Variants in KATNAL2 observed in about 807,000 individuals in gnomAD.
The protein encoded by KATNAL2 is katanin p60 ATPase-containing subunit A-like 2.
KATNAL2 carries 52 observed loss-of-function variants against 76.3 expected under a neutral mutation model. The ratio of observed to expected loss-of-function variants is 0.68; its 90% confidence interval spans 0.55 to 0.86. The LOEUF is 0.86. Among genes scored for constraint, KATNAL2 ranks in the 40% least tolerant of loss-of-function variants. The pLI, the probability that KATNAL2 is intolerant of heterozygous loss-of-function variation, is 0.00. For synonymous variants in KATNAL2, 243 were observed against 244.2 expected, an observed-to-expected ratio of 1.00 and a Z score of 0.05; for missense variants, 660 against 668.9, an observed-to-expected ratio of 0.99 and a Z score of 0.15.
chr18:47,084,513 G>A (rs1872910949), intron 15 of KATNAL2: 1 of 639,150 alleles, frequency 1.6e-6, no homozygotes, highest in African/African-American at 1.8e-5. Flanking sequence ...GTTAAAGACA[G>A]TTCAACTGGT....
At chr18:47,034,847 G>A (rs2060687226) in intron 3 of KATNAL2, 2 of 1,612,034 alleles carry the variant, frequency 1.2e-6, no homozygotes, top group African/African-American at 2.7e-5. Flanking sequence ...TGAGGTCTCT[G>A]TTGCCCCGGA....
intron 8 of KATNAL2, 89 bp downstream of exon 8, chr18:47,059,743 AGGAAAGTTAAGATGTGATTTTTGAAG>A (rs2061576869): frequency 2.1e-6 from 2 of 954,866 alleles, no homozygotes; most frequent in Non-Finnish European, 3.3e-6. Context: ...TTTGTCAAAC[AGGAAAGTTAAGATGTGATTTTTGAAG>A]GTTGGCTGTG....
intron 1 of KATNAL2, among the ~76,000 whole-genome samples, chr18:46,933,236 T>C (rs140092480): frequency 7.4e-4 from 113 of 152,304 alleles, no homozygotes; most frequent in African/African-American, 2.6e-3. Context: ...TATAAGGAAT[T>C]ATCTGGCCAA....
At chr18:47,069,336 G>A in intron 12 of KATNAL2, 53 bp downstream of exon 12, 1 of 1,487,740 alleles carries the variant, frequency 6.7e-7, no homozygotes, top group Non-Finnish European at 9.3e-7. Flanking sequence ...TGCAGAGGAT[G>A]AGTTGCCCCT....
intron 13 of KATNAL2, among the ~76,000 whole-genome samples, chr18:47,072,959 G>C (rs2062058275): frequency 6.6e-6 from 1 of 152,010 alleles, no homozygotes; most frequent in Admixed American, 6.6e-5. Context: ...CTAGTCTCTT[G>C]CTATTATGAA....
At chr18:46,937,810 G>T (rs1189323353) in intron 1 of KATNAL2, among the ~76,000 whole-genome samples, 4 of 152,146 alleles carry the variant, frequency 2.6e-5, no homozygotes, top group Non-Finnish European at 5.9e-5. Context: ...TCCTGCAAAA[G>T]AATACTATGT....
At chr18:47,079,158 A>T (rs2062388828) in intron 15 of KATNAL2, among the ~76,000 whole-genome samples, 1 of 152,214 alleles carries the variant, frequency 6.6e-6, no homozygotes, top group Admixed American at 6.5e-5. Flanking sequence ...ATCATATTCA[A>T]CTATTATGTT....
At chr18:47,035,542 G>T in intron 3 of KATNAL2, 3 of 657,268 alleles carry the variant, frequency 4.6e-6, no homozygotes, top group Non-Finnish European at 7.8e-6. Flanking sequence ...GTGCAACAAA[G>T]AATGAAGCTC....
intron 3 of KATNAL2, chr18:47,033,601 A>G (rs923006254): frequency 6.2e-7 from 1 of 1,614,234 alleles, no homozygotes; most frequent in Non-Finnish European, 8.5e-7. Flanking sequence ...AACAGGTTCA[A>G]GAACCCAGTA....
At chr18:46,928,069 C>G (rs1004667952) in intron 1 of KATNAL2, among the ~76,000 whole-genome samples, 1 of 152,156 alleles carries the variant, frequency 6.6e-6, no homozygotes, top group Non-Finnish European at 1.5e-5. Context: ...TCGTCTGAAG[C>G]CTTCTTCTCT....
intron 1 of KATNAL2, among the ~76,000 whole-genome samples, chr18:46,927,976 ATCCATTCG>A (rs2058780990): frequency 6.6e-6 from 1 of 151,850 alleles, no homozygotes; most frequent in Non-Finnish European, 1.5e-5. Flanking sequence ...TATTCTAGTT[ATCCATTCG>A]TCTAATTTTT....
At chr18:46,945,310 C>G (rs1377082960) in intron 1 of KATNAL2, among the ~76,000 whole-genome samples, 1 of 152,212 alleles carries the variant, frequency 6.6e-6, no homozygotes, top group Non-Finnish European at 1.5e-5. Flanking sequence ...TGTTCTCTGC[C>G]TAAGCTTCGC....
At chr18:47,033,076 T>G in intron 3 of KATNAL2, 2 of 1,614,118 alleles carry the variant, frequency 1.2e-6, no homozygotes, top group Middle Eastern at 1.7e-4. Context: ...CTTGGCAGCC[T>G]GTTTCCGGGT....
chr18:47,044,133 T>C (rs1412127713), intron 3 of KATNAL2, among the ~76,000 whole-genome samples: 1 of 152,118 alleles, frequency 6.6e-6, no homozygotes, highest in Non-Finnish European at 1.5e-5. Flanking sequence ...TTGTGTTCCC[T>C]GGGCCACAGT....
At chr18:46,919,725 C>T (rs1204052542) in intron 1 of KATNAL2, among the ~76,000 whole-genome samples, 1 of 152,082 alleles carries the variant, frequency 6.6e-6, no homozygotes, top group Non-Finnish European at 1.5e-5. Context: ...CTGATAAATG[C>T]CTAACAAATA....
rs763998711 is a variant in KATNAL2, at chr18:47,077,455, T to C, written c.1205T>C (p.Leu402Pro). 1.2e-6 allele frequency: 2 copies of C among 1,610,748 alleles called. No homozygotes were observed. The highest frequency in any genetic ancestry group is 1.7e-6 in the Non-Finnish European group (2 of 1,176,860). ...DLVFVLAASN[L>P]PWELDCAMLR... ...GTATTTGTCTTAGCAGCTTCTAACC[T>C]GCCGTGGTAAGAGACCAAGAGAGTA... The change falls in exon 15 of 18, where the codon CTG becomes CCG. Residue 402 changes from leucine to proline, a missense_variant. Physicochemically the swap from Leu to Pro is moderately conservative, Grantham distance 98 (BLOSUM62 -3). Transcript: ENST00000683218.
chr18:47,058,706 C>A (rs2061541020), intron 7 of KATNAL2, among the ~76,000 whole-genome samples: 2 of 152,300 alleles, frequency 1.3e-5, no homozygotes, highest in Admixed American at 1.3e-4. Context: ...CTGAGCTAAC[C>A]AAGATGGCAG....
At chr18:46,937,670 A>G (rs2059132656) in intron 1 of KATNAL2, among the ~76,000 whole-genome samples, 1 of 152,228 alleles carries the variant, frequency 6.6e-6, no homozygotes, top group African/African-American at 2.4e-5. Context: ...ACTGACCTAG[A>G]GAAACTCTCA....
intron 4 of KATNAL2, among the ~76,000 whole-genome samples, chr18:47,050,270 T>A (rs764985657): frequency 6.6e-6 from 1 of 152,134 alleles, no homozygotes; most frequent in Admixed American, 6.5e-5. Flanking sequence ...AGTTGACTCT[T>A]ATAAAACTTA....
Sources: gnomAD v4.1 joint callset for allele counts (sites outside exome capture counted in the v4.1 genomes callset) on GRCh38, gnomAD v4.1.1 for gene constraint, MANE v1.5 for transcripts, NCBI Gene and HGNC (gene_info 2026-07-23, HGNC 2026-07-21) for gene names.